PCDH7: variants seen among roughly 807,000 people sequenced by gnomAD.
PCDH7 encodes the protein protocadherin-7.
PCDH7 carries 17 observed loss-of-function variants against 58.9 expected under a neutral mutation model. That is an observed-to-expected ratio of 0.29 (90% CI 0.20 to 0.43). PCDH7 has a LOEUF of 0.43. Among genes scored for constraint, PCDH7 ranks in the 20% least tolerant of loss-of-function variants. The pLI is 1.00. For synonymous variants in PCDH7, 664 were observed against 616.4 expected (o/e 1.08, Z -1.14); for missense variants, 1,274 against 1,441.0 (o/e 0.88, Z 1.88).
At chr4:31,133,626 C>T (rs1048025460) in intron 3 of PCDH7, among the ~76,000 whole-genome samples, 8 of 152,164 alleles carry the variant, frequency 5.3e-5, no homozygotes, top group South Asian at 2.1e-4. Context: ...TCTCTAACTC[C>T]GCATGGGTAA....
chr4:31,140,123 A>G (rs1720068281), intron 3 of PCDH7, among the ~76,000 whole-genome samples: 1 of 152,232 alleles, frequency 6.6e-6, no homozygotes, highest in African/African-American at 2.4e-5. Context: ...AATGATTATA[A>G]TCTCTTATGA....
chr4:30,808,536 T>G (rs1035568187), intron 1 of PCDH7, among the ~76,000 whole-genome samples: 1 of 152,180 alleles, frequency 6.6e-6, no homozygotes, highest in Non-Finnish European at 1.5e-5. Context: ...TAATGATATT[T>G]CTAAGTAAAT....
intron 1 of PCDH7, among the ~76,000 whole-genome samples, chr4:30,868,365 A>T (rs1735137406): frequency 6.6e-6 from 1 of 152,082 alleles, no homozygotes; most frequent in African/African-American, 2.4e-5. Flanking sequence ...GTCAGATTGC[A>T]AAACCCCAAT....
chr4:31,131,780 G>A (rs948583269), intron 3 of PCDH7, among the ~76,000 whole-genome samples: 12 of 152,060 alleles, frequency 7.9e-5, no homozygotes, highest in Non-Finnish European at 1.5e-4. Context: ...AATATGATTT[G>A]AATATATTAT....
At chr4:30,830,848 G>T (rs1455824470) in intron 1 of PCDH7, among the ~76,000 whole-genome samples, 2 of 152,056 alleles carry the variant, frequency 1.3e-5, no homozygotes, top group South Asian at 2.1e-4. Flanking sequence ...TTAGCTAAAA[G>T]ATTACTACTC....
intron 3 of PCDH7, among the ~76,000 whole-genome samples, chr4:31,011,018 C>G (rs1753143990): frequency 6.6e-6 from 1 of 151,886 alleles, no homozygotes; most frequent in Non-Finnish European, 1.5e-5. Context: ...TAGCAGACTT[C>G]TTTCTTGGAC....
rs1271973884 is a variant in PCDH7, at chr4:30,722,182, G to T, written c.760G>T (p.Gly254Cys). The T allele has an allele frequency of 6.4e-7, 1 of 1,557,710 alleles. No homozygotes were observed. Among genetic ancestry groups the T allele is most frequent in the Non-Finnish European group, 8.7e-7 (1 of 1,152,318 alleles). The stretch of plus-strand genomic sequence containing the variant: ...GCTGCAGGTGGCGGACACCCCGGAC[G>T]GCGAGAAGCAGCCGCAGCTGATCGT... Residue 254 changes from glycine to cysteine, a missense_variant, in exon 1 of 2, where the codon GGC (glycine) becomes TGC (cysteine). Coordinates refer to ENST00000361762, the Ensembl canonical transcript of PCDH7. This position sits in a 1 kb window ranked among gnomAD's most constrained non-coding sequence, Gnocchi z 7.6.
chr4:30,727,130 T>C (rs1337678333), intron 1 of PCDH7, among the ~76,000 whole-genome samples: 1 of 151,916 alleles, frequency 6.6e-6, no homozygotes, highest in South Asian at 2.1e-4. Context: ...TTCAATTCCA[T>C]ACAGCAGGGT....
rs560488213 is a variant in PCDH7, at chr4:31,060,422, T to C, written c.*8-82051T>C. 1.4e-4 allele frequency among the ~76,000 whole-genome samples: 22 copies of C among 151,930 alleles called. 1 individual carries two copies. The highest frequency in any genetic ancestry group is 8.3e-4 in the South Asian group (4 of 4,830). ...CCAGCTAGGTTCTTAAATGCTTTTG[T>C]CTTCCTCATTGCCGTATTGTTTGAT... is the stretch of plus-strand genomic sequence containing the variant. On this transcript the variant is annotated intron_variant, in intron 3 of 3. Coordinates refer to the PCDH7 transcript ENST00000509759.
chr4:30,915,938 A>C (rs563811808), intron 1 of PCDH7, among the ~76,000 whole-genome samples: 2 of 152,048 alleles, frequency 1.3e-5, no homozygotes, highest in Non-Finnish European at 2.9e-5. Context: ...CCAACAAACC[A>C]CTGCCTTTGC....
intron 2 of PCDH7, chr4:30,926,034 C>T (rs1186339826): frequency 6.6e-6 from 1 of 152,070 alleles, no homozygotes; most frequent in Non-Finnish European, 1.5e-5. Flanking sequence ...AATTGCAAAT[C>T]ATAGGATTGC....
chr4:30,845,164 T>C lies in PCDH7; in HGVS notation c.71-74989T>C, dbSNP rs1731750404. Among the ~76,000 whole-genome samples, 3 of 152,174 alleles carry C rather than the reference T, an allele frequency of 2.0e-5. No homozygotes were observed. The South Asian group carries it at 6.2e-4, about 32-fold the overall frequency. ...AATTGTGCTATTAGTTTATCTAAGCTAAAATTCAATCTACTTAATTTGAGG... is the reference window on the plus strand; with the variant it reads ...AATTGTGCTATTAGTTTATCTAAGCCAAAATTCAATCTACTTAATTTGAGG... On this transcript the variant is annotated intron_variant, in intron 1 of 3. Coordinates refer to the PCDH7 transcript ENST00000509759.
At chr4:31,142,714 A>G (rs752454116) in exon 4 of PCDH7, 1 of 1,367,668 alleles carries the variant, frequency 7.3e-7, no homozygotes, top group Non-Finnish European at 9.8e-7. Context: ...AGTTGACCTC[A>G]TCCTATGAGA....
chr4:30,832,889 A>G (rs1306467377), intron 1 of PCDH7, among the ~76,000 whole-genome samples: 1 of 152,222 alleles, frequency 6.6e-6, no homozygotes, highest in Non-Finnish European at 1.5e-5. Flanking sequence ...CAGCAGAACC[A>G]ATGTGGCAGG....
chr4:30,999,598 G>A (rs1040955246), intron 3 of PCDH7, among the ~76,000 whole-genome samples: 1 of 152,084 alleles, frequency 6.6e-6, no homozygotes, highest in Non-Finnish European at 1.5e-5. Flanking sequence ...CTAAGGGAGT[G>A]CAGAAAAATG....
intron 3 of PCDH7, among the ~76,000 whole-genome samples, chr4:31,029,638 C>G (rs1261440578): frequency 6.6e-6 from 1 of 152,190 alleles, no homozygotes; most frequent in African/African-American, 2.4e-5. Context: ...TGGGTTTGCA[C>G]ATTAAATCTG....
intron 2 of PCDH7, among the ~76,000 whole-genome samples, chr4:30,923,182 A>G (rs1030732569): frequency 6.6e-6 from 1 of 152,146 alleles, no homozygotes; most frequent in Non-Finnish European, 1.5e-5. Context: ...ATTTTAACCT[A>G]TGTGAAACAA....
chr4:31,122,948 AAATAC>A (rs1349866763), intron 3 of PCDH7, among the ~76,000 whole-genome samples: 1 of 152,042 alleles, frequency 6.6e-6, no homozygotes, highest in Non-Finnish European at 1.5e-5. Context: ...AGTAATTATA[AAATAC>A]AATGCCAACT....
intron 3 of PCDH7, among the ~76,000 whole-genome samples, chr4:30,959,342 G>A (rs534164676): frequency 1.3e-5 from 2 of 151,662 alleles, no homozygotes; most frequent in East Asian, 1.9e-4. Context: ...AGTACCATTA[G>A]CAATTAAAGT....
Sources: gnomAD v4.1 joint callset for allele counts (sites outside exome capture counted in the v4.1 genomes callset) on GRCh38, gnomAD v4.1.1 for gene constraint, Gnocchi (gnomAD v3.1) non-coding constraint, MANE v1.5 for transcripts, NCBI Gene and HGNC (gene_info 2026-07-23, HGNC 2026-07-21) for gene names.